The following LPO variants were observed in gnomAD, a reference collection of about 807,000 sequenced individuals.
LPO encodes the protein salivary peroxidase.
In LPO, 70 loss-of-function variants were observed where a neutral mutation model predicts 68.4. That is an observed-to-expected ratio of 1.02 (90% confidence interval 0.84 to 1.25). LPO has a LOEUF of 1.25. Ranked by LOEUF, LPO falls within the 50% of genes most tolerant of loss-of-function variation. The pLI is 0.00. For synonymous variants in LPO, 360 were observed against 357.6 expected, an observed-to-expected ratio of 1.01 and a Z score of -0.08; for missense variants, 873 against 908.4, an observed-to-expected ratio of 0.96 and a Z score of 0.50.
chr17:58,262,675 G>A (rs1970196551), intron 9 of LPO, among the ~76,000 whole-genome samples: 2 of 152,198 alleles, frequency 1.3e-5, no homozygotes, highest in Admixed American at 1.3e-4. Context: ...TTGCAGGCGT[G>A]AGCCACCACA....
At chr17:58,256,529 T>C (rs1257868888) in intron 9 of LPO, among the ~76,000 whole-genome samples, 1 of 151,726 alleles carries the variant, frequency 6.6e-6, no homozygotes, top group East Asian at 1.9e-4. Context: ...AAGAATGAGG[T>C]ATCCTGCTGG....
chr17:58,268,392 T>C lies in LPO; in HGVS notation c.*398T>C. 1 of 254,850 alleles carries C rather than the reference T, an allele frequency of 3.9e-6. No individual in the cohort carries two copies. The highest frequency in any genetic ancestry group is 7.7e-6 in the Non-Finnish European group (1 of 129,594). The allele number at this position is 254,850 out of a possible 1,614,324, so 15.8% of individuals were successfully genotyped here. Reference sequence around the variant, plus strand: ...GGGTCCCCTGTGGCACCTAGCATGGTGCACAGCACATTAGAAGTGCTCAAA... The same window carrying C: ...GGGTCCCCTGTGGCACCTAGCATGGCGCACAGCACATTAGAAGTGCTCAAA... On this transcript the variant is annotated 3_prime_UTR_variant, in exon 13 of 13. Coordinates refer to ENST00000262290, the MANE Select transcript of LPO (RefSeq NM_006151.3).
In LPO at chr17:58,252,197, C is replaced by G; in HGVS notation, c.796C>G (p.Pro266Ala). The change falls in exon 8 of 13, where the codon CCC (proline) becomes GCC (alanine). Residue 266 changes from proline to alanine, a missense_variant. Coordinates refer to ENST00000262290, the MANE Select transcript of LPO (RefSeq NM_006151.3). ...CTCTCTGCAGTTCCCACCCAATGAC[C>G]CCAAGGCGGGGACTCAAGGGAAATG... ...CFPIMFPPND[P>A]KAGTQGKCMP... 1 of 1,614,102 alleles carries G rather than the reference C, an allele frequency of 6.2e-7. No individual in the cohort carries two copies. Among genetic ancestry groups the G allele is most frequent in the Non-Finnish European group, 8.5e-7 (1 of 1,179,994 alleles).
chr17:58,246,205 G>C (rs939491084), intron 3 of LPO, among the ~76,000 whole-genome samples: 5 of 152,144 alleles, frequency 3.3e-5, no homozygotes, highest in Non-Finnish European at 7.3e-5. Context: ...AAAGACCGTG[G>C]GTGCTCAGGA....
At chr17:58,262,480 C>T (rs975901253) in intron 9 of LPO, among the ~76,000 whole-genome samples, 1 of 152,254 alleles carries the variant, frequency 6.6e-6, no homozygotes, top group African/African-American at 2.4e-5. Context: ...ACCTCCGCCT[C>T]CCGGGCTCAA....
chr17:58,252,035 G>A, intron 7 of LPO, 147 bp from the exon 8 acceptor site: 2 of 772,548 alleles, frequency 2.6e-6, no homozygotes, highest in East Asian at 2.5e-5. Flanking sequence ...TGTAATGTCA[G>A]CAAGAAGTGT....
At chr17:58,262,656 G>A (rs1027176066) in intron 9 of LPO, among the ~76,000 whole-genome samples, 3 of 152,180 alleles carry the variant, frequency 2.0e-5, no homozygotes, top group Non-Finnish European at 4.4e-5. Flanking sequence ...GCCTCCCAAA[G>A]TGCTGGGATT....
chr17:58,254,638 C>A, intron 8 of LPO, 173 bp from the exon 9 acceptor site: 1 of 598,164 alleles, frequency 1.7e-6, no homozygotes, highest in Non-Finnish European at 2.9e-6. Context: ...GAGAGTCAAA[C>A]CTATGATTCA....
At chr17:58,245,714 T>C (rs1969841139) in intron 3 of LPO, among the ~76,000 whole-genome samples, 1 of 152,152 alleles carries the variant, frequency 6.6e-6, no homozygotes, top group Non-Finnish European at 1.5e-5. Flanking sequence ...CTCCCTAGAA[T>C]TAAACTAGCA....
intron 9 of LPO, among the ~76,000 whole-genome samples, chr17:58,264,192 T>C (rs963834480): frequency 6.6e-6 from 1 of 152,228 alleles, no homozygotes; most frequent in Non-Finnish European, 1.5e-5. Context: ...ATTATTAGGT[T>C]ATGTGGAGGC....
chr17:58,242,954 G>T, intron 1 of LPO, 24 bp from the exon 2 acceptor site: 1 of 1,599,188 alleles, frequency 6.3e-7, no homozygotes. Flanking sequence ...GAGGCTCACA[G>T]TGTGATCCTG....
At chr17:58,261,683 TTGTTCCTTC>T (rs1269059719) in intron 9 of LPO, among the ~76,000 whole-genome samples, 1 of 152,224 alleles carries the variant, frequency 6.6e-6, no homozygotes, top group Non-Finnish European at 1.5e-5. Flanking sequence ...TGTTTTCTGT[TTGTTCCTTC>T]TGTTTCTTCT....
In LPO at chr17:58,242,367, C is replaced by T. The variant is rs1247175022; in HGVS notation, c.-2-611C>T. On this transcript the variant is annotated intron_variant, in intron 1 of 12. Coordinates refer to ENST00000262290, the MANE Select transcript of LPO (RefSeq NM_006151.3). ...TGTCATAACTTTCTTTCAGTATTGC[C>T]ATCAAGTTGGCACTTTGAGGGAAGG... Among the ~76,000 whole-genome samples the T allele has an allele frequency of 2.0e-5, 3 of 152,302 alleles. No homozygotes were observed. The East Asian group carries it at 5.8e-4, about 29-fold the overall frequency.
At chr17:58,264,515 C>T (rs1163418119) in intron 9 of LPO, among the ~76,000 whole-genome samples, 1 of 152,152 alleles carries the variant, frequency 6.6e-6, no homozygotes, top group Non-Finnish European at 1.5e-5. Flanking sequence ...TGAGACAAAT[C>T]GTAAGAGATC....
chr17:58,253,040 A>AC, intron 8 of LPO, among the ~76,000 whole-genome samples: 1 of 150,464 alleles, frequency 6.6e-6, no homozygotes, highest in East Asian at 1.9e-4. Flanking sequence ...AAAAAAAAAA[A>AC]AAAAAAAAGA....
At chr17:58,257,092 T>A (rs1382128393) in intron 9 of LPO, among the ~76,000 whole-genome samples, 1 of 142,966 alleles carries the variant, frequency 7.0e-6, no homozygotes. Flanking sequence ...TGCCACCACG[T>A]CCTGCTGATT....
intron 3 of LPO, 42 bp from the exon 4 acceptor site, chr17:58,247,436 C>T: frequency 6.3e-7 from 1 of 1,589,922 alleles, no homozygotes; most frequent in Non-Finnish European, 8.6e-7. Context: ...AGCCCCCTTC[C>T]TACAGGGTCC....
chr17:58,261,095 C>A (rs768116545), intron 9 of LPO, among the ~76,000 whole-genome samples: 3 of 152,148 alleles, frequency 2.0e-5, no homozygotes, highest in Non-Finnish European at 4.4e-5. Context: ...AATGTGTATT[C>A]TGCTGTTGTT....
chr17:58,265,867 G>A (rs889971986), intron 10 of LPO, among the ~76,000 whole-genome samples: 1 of 151,900 alleles, frequency 6.6e-6, no homozygotes, highest in Admixed American at 6.6e-5. Context: ...TTACAGGCAT[G>A]AGCCACCATG....
Sources: allele counts gnomAD v4.1 joint callset (sites outside exome capture counted in the v4.1 genomes callset), GRCh38; gene constraint gnomAD v4.1.1; transcripts MANE v1.5; gene names NCBI Gene and HGNC (gene_info 2026-07-23, HGNC 2026-07-21).